The following PTK2 variants were observed in gnomAD, a reference collection of about 807,000 sequenced individuals.
PTK2 encodes protein tyrosine kinase 2.
A neutral mutation model predicts 150.1 loss-of-function variants in PTK2; 45 were observed. The ratio of observed to expected loss-of-function variants is 0.30; its 90% CI spans 0.24 to 0.38. The LOEUF is 0.38. Among genes scored for constraint, PTK2 ranks in the 10% least tolerant of loss-of-function variants. PTK2 has a pLI of 1.00. For synonymous variants in PTK2, 432 were observed against 449.2 expected, an observed-to-expected ratio of 0.96 and a Z score of 0.48; for missense variants, 919 against 1,307.3, an observed-to-expected ratio of 0.70 and a Z score of 4.58.
intron 17 of PTK2, among the ~76,000 whole-genome samples, chr8:140,747,436 GAAGAAA>G (rs2100059663): frequency 1.8e-5 from 1 of 54,726 alleles, no homozygotes; most frequent in African/African-American, 7.9e-5. Context: ...AGGAGGAGGA[GAAGAAA>G]GGGGGGGGGA....
At chr8:140,680,717 A>G (rs2100016449) in intron 27 of PTK2, among the ~76,000 whole-genome samples, 1 of 152,206 alleles carries the variant, frequency 6.6e-6, no homozygotes, top group African/African-American at 2.4e-5. Flanking sequence ...ACTGCTTTTT[A>G]TGCATTTGTC....
chr8:140,881,768 T>C (rs1382163191), intron 3 of PTK2, among the ~76,000 whole-genome samples: 1 of 152,246 alleles, frequency 6.6e-6, no homozygotes, highest in Non-Finnish European at 1.5e-5. Flanking sequence ...TCATCTCTGC[T>C]GAACTCACAG....
chr8:140,687,407 T>A (rs1008293581), intron 26 of PTK2, among the ~76,000 whole-genome samples: 1 of 152,210 alleles, frequency 6.6e-6, no homozygotes, highest in Non-Finnish European at 1.5e-5. Context: ...CCAGACACCC[T>A]TTCTTGGCAG....
At chr8:140,664,782 G>C (rs1220442992) in intron 31 of PTK2, 135 bp downstream of exon 35, 1 of 849,170 alleles carries the variant, frequency 1.2e-6, no homozygotes, top group Non-Finnish European at 1.9e-6. Flanking sequence ...TTAGAGGGAA[G>C]GTCATCGCTT....
chr8:140,939,010 G>T, intron 1 of PTK2, among the ~76,000 whole-genome samples: 1 of 150,820 alleles, frequency 6.6e-6, no homozygotes, highest in South Asian at 2.1e-4. Flanking sequence ...GAATATTTTT[G>T]CATAAAAAGT....
chr8:140,735,580 C>A, intron 21 of PTK2, 125 bp from the exon 25 acceptor site: 1 of 776,402 alleles, frequency 1.3e-6, no homozygotes, highest in Non-Finnish European at 2.2e-6. Flanking sequence ...AATTATCTAC[C>A]AAAGCAGCAT....
chr8:140,682,431 G>A (rs938422216), intron 27 of PTK2, among the ~76,000 whole-genome samples: 1 of 152,046 alleles, frequency 6.6e-6, no homozygotes, highest in South Asian at 2.1e-4. Context: ...TGTTAACAAC[G>A]GCTAATATGT....
chr8:140,791,663 G>C (rs2100088514), intron 13 of PTK2, among the ~76,000 whole-genome samples: 1 of 152,140 alleles, frequency 6.6e-6, no homozygotes, highest in Non-Finnish European at 1.5e-5. Context: ...ATGCTCTCCT[G>C]GCTTGGGGGT....
intron 2 of PTK2, among the ~76,000 whole-genome samples, chr8:140,919,028 GAT>G (rs1301961007): frequency 6.6e-6 from 1 of 152,212 alleles, no homozygotes; most frequent in Non-Finnish European, 1.5e-5. Context: ...AGTTTACTAA[GAT>G]AGTTACACAC....
At chr8:140,944,896 T>TAC (rs1219493188) in intron 1 of PTK2, among the ~76,000 whole-genome samples, 1 of 152,208 alleles carries the variant, frequency 6.6e-6, no homozygotes, top group Non-Finnish European at 1.5e-5. Context: ...TTTAGAAAGG[T>TAC]ACTCATCTCT....
chr8:140,882,023 G>T (rs2100149418), intron 3 of PTK2, among the ~76,000 whole-genome samples: 1 of 152,170 alleles, frequency 6.6e-6, no homozygotes, highest in East Asian at 1.9e-4. Flanking sequence ...CACTCTCCAT[G>T]AAACAGTGAA....
chr8:140,899,313 C>T (rs1420882311), intron 2 of PTK2, among the ~76,000 whole-genome samples: 1 of 152,140 alleles, frequency 6.6e-6, no homozygotes, highest in Non-Finnish European at 1.5e-5. Flanking sequence ...AAGATTCCCT[C>T]GGTTTTCTTG....
At chr8:140,756,674 A>G (rs572323193) in intron 16 of PTK2, among the ~76,000 whole-genome samples, 12 of 143,410 alleles carry the variant, frequency 8.4e-5, no homozygotes, top group African/African-American at 3.1e-4. Flanking sequence ...ATGGGCAACA[A>G]GAGGGAAACT....
chr8:140,954,366 G>A (rs912398075), intron 1 of PTK2, among the ~76,000 whole-genome samples: 4 of 152,064 alleles, frequency 2.6e-5, no homozygotes, highest in African/African-American at 4.8e-5. Context: ...CACTGTGTCC[G>A]GCCGTAACTT....
intron 14 of PTK2, among the ~76,000 whole-genome samples, chr8:140,782,729 G>A (rs572382880): frequency 4.6e-4 from 70 of 151,886 alleles, no homozygotes; most frequent in African/African-American, 1.6e-3. Flanking sequence ...GACTACCTTG[G>A]AAACCCACAG....
intron 4 of PTK2, 42 bp from the exon 5 acceptor site, chr8:140,864,441 T>A: frequency 8.2e-7 from 1 of 1,216,674 alleles, no homozygotes; most frequent in South Asian, 1.3e-5. Context: ...AAATCAGTCA[T>A]TTTCTCAATT....
chr8:140,964,043 T>G (rs1304953718), intron 1 of PTK2, among the ~76,000 whole-genome samples: 3 of 152,146 alleles, frequency 2.0e-5, no homozygotes, highest in Non-Finnish European at 4.4e-5. Context: ...TGCCAGTCCT[T>G]CTGCCTGGTA....
Position 140,846,340 on chromosome 8 carries a change from A to T in PTK2, c.531-18T>A. On this transcript the variant is annotated intron_variant, in intron 6 of 31. Transcript: ENST00000522684. ...ATGATCGCCTAAAATCAGGGAAGACATACATTTATATGTATATATAAGGAA... is the reference window on the plus strand; with the variant it reads ...ATGATCGCCTAAAATCAGGGAAGACTTACATTTATATGTATATATAAGGAA... 1 of 1,604,646 alleles carries T rather than the reference A, an allele frequency of 6.2e-7. No individual in the cohort carries two copies. The highest frequency in any genetic ancestry group is 8.5e-7 in the Non-Finnish European group (1 of 1,172,152).
intron 7 of PTK2, among the ~76,000 whole-genome samples, chr8:140,838,797 G>A (rs968997867): frequency 1.3e-5 from 2 of 152,130 alleles, no homozygotes; most frequent in African/African-American, 2.4e-5. Context: ...ACAAGGTCAG[G>A]AGATCGAGAC....
Sources: allele counts gnomAD v4.1 joint callset (sites outside exome capture counted in the v4.1 genomes callset), GRCh38; gene constraint gnomAD v4.1.1; transcripts MANE v1.5; gene names NCBI Gene and HGNC (gene_info 2026-07-23, HGNC 2026-07-21).